H2BC5: variants seen among roughly 807,000 people sequenced by gnomAD.
The protein encoded by H2BC5 is H2B clustered histone 5.
Under a neutral mutation model 5.7 loss-of-function variants are expected in H2BC5, and 9 were observed. That is an observed-to-expected ratio of 1.57 (90% CI 0.95 to 2.74). The LOEUF (loss-of-function observed/expected upper bound fraction) is 2.74, where lower values mean the gene tolerates loss of function less well. Among genes scored for constraint, H2BC5 ranks in the 30% most tolerant of loss-of-function variants. H2BC5 has a pLI of 0.00. For missense variants in H2BC5, 175 were observed against 168.8 expected (o/e 1.04, Z -0.20); for synonymous variants, 133 against 70.9 (o/e 1.88, Z -4.40).
At position 26,158,194 on chromosome 6, in the gene H2BC5, C is replaced by G. The variant is rs749658570; in HGVS notation, c.25C>G (p.Pro9Ala). The change falls in exon 1 of 1, where the codon CCT becomes GCT. Residue 9 changes from proline (P) to alanine (A), a missense_variant. Pro to Ala is a conservative substitution (Grantham distance 27). This residue lies in a region of H2BC5 where 119 missense variants were observed against 85.6 expected (regional missense o/e 1.39). Coordinates refer to ENST00000377777, the MANE Select transcript of H2BC5 (RefSeq NM_021063.4). MPEPTKSA[P>A]APKKGSKKAV... Reference sequence around the variant, plus strand: ...GATGCCTGAACCTACCAAGTCTGCTCCTGCCCCAAAGAAGGGCTCCAAGAA... The same window carrying G: ...GATGCCTGAACCTACCAAGTCTGCTGCTGCCCCAAAGAAGGGCTCCAAGAA... 6.2e-7 allele frequency: 1 copy of G among 1,614,174 alleles called. No homozygotes were observed. Among genetic ancestry groups the G allele is most frequent in the Non-Finnish European group, 8.5e-7 (1 of 1,180,008 alleles).
chr6:26,158,743 A>G, downstream of H2BC5: 2 of 937,392 alleles, frequency 2.1e-6, no homozygotes, highest in African/African-American at 3.3e-5. Context: ...AACAATAGGT[A>G]CTAGAAATTG....
At chr6:26,169,212 A>G (rs1304694024) in intron 1 of H2BC5, among the ~76,000 whole-genome samples, 1 of 152,214 alleles carries the variant, frequency 6.6e-6, no homozygotes, top group Admixed American at 6.5e-5. Flanking sequence ...ATCAAATAGA[A>G]GAAATTAGTC....
chr6:26,164,598 A>T (rs1764393882), intron 1 of H2BC5, among the ~76,000 whole-genome samples: 1 of 148,570 alleles, frequency 6.7e-6, no homozygotes, highest in South Asian at 2.1e-4. Context: ...GGGAGATTTT[A>T]TATATATATA....
intron 1 of H2BC5, among the ~76,000 whole-genome samples, chr6:26,165,303 T>G (rs564385066): frequency 6.6e-6 from 1 of 152,168 alleles, no homozygotes; most frequent in African/African-American, 2.4e-5. Flanking sequence ...CCCTAGAATC[T>G]TTCTCTGGGC....
At chr6:26,169,661 A>G (rs577900221) in intron 1 of H2BC5, among the ~76,000 whole-genome samples, 1 of 152,100 alleles carries the variant, frequency 6.6e-6, no homozygotes, top group African/African-American at 2.4e-5. Flanking sequence ...AAAGGAATGG[A>G]AGAAGCAAAC....
rs760770604 is a variant in H2BC5 at position 26,158,340 on chromosome 6, C to T, written c.171C>T (p.Ser57=). Residue 57 remains serine (S), a synonymous_variant, in exon 1 of 1, where the codon TCC becomes TCT. Transcript: ENST00000377777. The stretch of plus-strand genomic sequence containing the variant: ...TCCATCCCGACACCGGCATCTCTTC[C>T]AAGGCAATGGGGATCATGAATTCCT... ...KQVHPDTGIS[S]KAMGIMNSFV... 1.9e-5 allele frequency: 31 copies of T among 1,614,142 alleles called. No homozygotes were observed. Among genetic ancestry groups the T allele is most frequent in the Non-Finnish European group, 2.5e-5 (30 of 1,180,062 alleles).
In H2BC5 at chr6:26,158,145, C is replaced by T. The variant is rs1764263745; in HGVS notation, c.-25C>T. 1.9e-6 allele frequency: 3 copies of T among 1,599,840 alleles called. No homozygotes were observed. The highest frequency in any genetic ancestry group is 2.6e-6 in the Non-Finnish European group (3 of 1,174,138). Reference sequence around the variant, plus strand: ...TGATTATTTTCTCAGGTGTTTGCAACAGTGTTCTAACTATTAACGCTACGA... The same window carrying T: ...TGATTATTTTCTCAGGTGTTTGCAATAGTGTTCTAACTATTAACGCTACGA... On this transcript the variant is annotated 5_prime_UTR_variant, in exon 1 of 1. Transcript: ENST00000377777.
At chr6:26,166,018 G>A (rs905056180) in intron 1 of H2BC5, among the ~76,000 whole-genome samples, 6 of 152,206 alleles carry the variant, frequency 3.9e-5, no homozygotes, top group South Asian at 2.1e-4. Flanking sequence ...CACACAGACT[G>A]GGATGTGTCT....
downstream of H2BC5, among the ~76,000 whole-genome samples, chr6:26,160,058 TC>T (rs1561968794): frequency 6.6e-6 from 1 of 152,094 alleles, no homozygotes; most frequent in Non-Finnish European, 1.5e-5. Flanking sequence ...TACAAACCCA[TC>T]ACAGATGAAT....
At chr6:26,161,523 C>A (rs2113834269), downstream of H2BC5, among the ~76,000 whole-genome samples, 1 of 152,236 alleles carries the variant, frequency 6.6e-6, no homozygotes, top group East Asian at 1.9e-4. Flanking sequence ...GTAATCCCAG[C>A]ACTTTCAGAG....
chr6:26,169,909 GA>G (rs894337165), intron 1 of H2BC5, among the ~76,000 whole-genome samples: 1 of 148,800 alleles, frequency 6.7e-6, no homozygotes, highest in African/African-American at 2.5e-5. Context: ...TCAAAAAAAA[GA>G]AAAAAAAGAA....
chr6:26,159,272 T>TG (rs1325396292), downstream of H2BC5, among the ~76,000 whole-genome samples: 1 of 116,340 alleles, frequency 8.6e-6, no homozygotes, highest in Non-Finnish European at 1.7e-5. Flanking sequence ...TTTTTTTTTT[T>TG]GGCAGCTTTC....
downstream of H2BC5, chr6:26,158,783 C>G (rs1019918753): frequency 4.4e-5 from 29 of 660,332 alleles, no homozygotes; most frequent in Admixed American, 7.6e-4. Flanking sequence ...AGATCGTTAG[C>G]TCATTTAGTA....
intron 1 of H2BC5, chr6:26,164,065 A>T: frequency 2.2e-6 from 1 of 462,734 alleles, no homozygotes; most frequent in Non-Finnish European, 4.4e-6. Flanking sequence ...AAAAATGTGG[A>T]CATTGACCCC....
chr6:26,159,255 T>G (rs1298120040), downstream of H2BC5, among the ~76,000 whole-genome samples: 4 of 140,990 alleles, frequency 2.8e-5, no homozygotes, highest in East Asian at 2.1e-4. Flanking sequence ...TTTTTTTTTT[T>G]TTTTTTTTTT....
At chr6:26,159,449 A>G (rs1451123647), downstream of H2BC5, among the ~76,000 whole-genome samples, 6 of 152,178 alleles carry the variant, frequency 3.9e-5, no homozygotes, top group Middle Eastern at 3.4e-3. Context: ...AGAAAGGGAA[A>G]GAAAACCTCC....
At chr6:26,167,047 C>CTTTT (rs1764443081) in intron 1 of H2BC5, among the ~76,000 whole-genome samples, 1 of 68,478 alleles carries the variant, frequency 1.5e-5, no homozygotes, top group African/African-American at 5.1e-5. Flanking sequence ...TTTTTGTTTT[C>CTTTT]TCTTTTTTTT....
In H2BC5 at chr6:26,158,606, C is replaced by A. The variant is rs933937927; in HGVS notation, c.*56C>A. 81 of 1,591,286 alleles carry A rather than the reference C, an allele frequency of 5.1e-5. No individual in the cohort carries two copies. The highest frequency in any genetic ancestry group is 3.4e-4 in the Middle Eastern group (2 of 5,958). On this transcript the variant is annotated 3_prime_UTR_variant, in exon 1 of 1. Coordinates refer to ENST00000377777, the MANE Select transcript of H2BC5 (RefSeq NM_021063.4). ...CCCAAAGGCTCTTTTAAGAGCCACG[C>A]ATGTTTTCAATAAATGAGTTGTAAT...
At chr6:26,171,152 G>A (rs1195079693) in exon 2 of H2BC5, 1 of 152,144 alleles carries the variant, frequency 6.6e-6, no homozygotes, top group Non-Finnish European at 1.5e-5. Flanking sequence ...CGAGGGGAAG[G>A]AACTAAAGGT....
Sources: allele counts gnomAD v4.1 joint callset (sites outside exome capture counted in the v4.1 genomes callset), GRCh38; gene constraint gnomAD v4.1.1; regional missense constraint gnomAD v4.1.1; transcripts MANE v1.5; gene names NCBI Gene and HGNC (gene_info 2026-07-23, HGNC 2026-07-21).